RERE: variants seen among roughly 807,000 people sequenced by gnomAD.
The protein encoded by RERE is arginine-glutamic acid dipeptide repeats, also known as arginine-glutamic acid dipeptide repeats protein.
A neutral mutation model predicts 146.1 loss-of-function variants in RERE; 40 were observed. That is an observed-to-expected ratio of 0.27 (90% CI 0.21 to 0.36). RERE has a LOEUF of 0.36. RERE is among the 10% of genes least tolerant of loss of function. RERE has a pLI of 1.00. For missense variants in RERE, 1,933 were observed against 2,138.7 expected, an observed-to-expected ratio of 0.90 and a Z score of 1.90; for synonymous variants, 1,003 against 866.0, an observed-to-expected ratio of 1.16 and a Z score of -2.78.
chr1:8,728,463 CAA>C (rs529828973), intron 1 of RERE, among the ~76,000 whole-genome samples: 3 of 136,098 alleles, frequency 2.2e-5, no homozygotes, highest in South Asian at 2.3e-4. Flanking sequence ...AAGAGACCAT[CAA>C]AAAAAAAAAA....
At chr1:8,571,844 G>T (rs578245058) in intron 4 of RERE, among the ~76,000 whole-genome samples, 2 of 152,138 alleles carry the variant, frequency 1.3e-5, no homozygotes, top group African/African-American at 4.8e-5. Context: ...CCAAATAATC[G>T]ATCAGTGTAT....
At chr1:8,551,372 G>A (rs1645933883) in intron 6 of RERE, among the ~76,000 whole-genome samples, 1 of 152,196 alleles carries the variant, frequency 6.6e-6, no homozygotes, top group Non-Finnish European at 1.5e-5. Flanking sequence ...GGGAGAAAAA[G>A]TAGCACAGAA....
intron 3 of RERE, among the ~76,000 whole-genome samples, chr1:8,616,622 A>G (rs1646855240): frequency 6.6e-6 from 1 of 152,222 alleles, no homozygotes; most frequent in African/African-American, 2.4e-5. Flanking sequence ...AATTTTAGTA[A>G]ATAACATTTT....
At chr1:8,613,540 C>A (rs568031044) in intron 4 of RERE, among the ~76,000 whole-genome samples, 2 of 152,340 alleles carry the variant, frequency 1.3e-5, no homozygotes, top group Non-Finnish European at 1.5e-5. Context: ...CCAAGTGCCA[C>A]AGCCCATCTG....
At chr1:8,525,712 A>G in intron 7 of RERE, 2 of 1,554,168 alleles carry the variant, frequency 1.3e-6, no homozygotes, top group Non-Finnish European at 1.7e-6. Flanking sequence ...GAGAAAGAGC[A>G]GCAAAACCCA....
rs1366018673 is a variant in RERE, at chr1:8,354,935, G to A, written c.*152C>T. ...CCTCTCGACAAACGAACACTACTAT[G>A]TGGATACATTTTTAGTTGTGGGTTT... On this transcript the variant is annotated 3_prime_UTR_variant, in exon 23 of 23. Transcript: ENST00000400908. 1 of 665,474 alleles carries A rather than the reference G, an allele frequency of 1.5e-6. No homozygotes were observed. The highest frequency in any genetic ancestry group is 2.6e-6 in the Non-Finnish European group (1 of 388,738). The allele number at this position is 665,474 out of a possible 1,614,324, so 41.2% of individuals were successfully genotyped here.
chr1:8,592,351 T>A (rs775525201), intron 4 of RERE, among the ~76,000 whole-genome samples: 11 of 151,984 alleles, frequency 7.2e-5, no homozygotes, highest in Non-Finnish European at 1.3e-4. Flanking sequence ...CTCACTGCAG[T>A]CTCGACCTCC....
intron 12 of RERE, among the ~76,000 whole-genome samples, chr1:8,372,989 T>C (rs1642099090): frequency 6.6e-6 from 1 of 152,158 alleles, no homozygotes; most frequent in Non-Finnish European, 1.5e-5. Flanking sequence ...ATAACAGGAT[T>C]ATAAACACAA....
intron 1 of RERE, among the ~76,000 whole-genome samples, chr1:8,709,937 GTTT>G (rs1207829535): frequency 6.6e-6 from 1 of 152,108 alleles, no homozygotes; most frequent in Non-Finnish European, 1.5e-5. Flanking sequence ...TCTTATTCTG[GTTT>G]TTGTTGGTTT....
chr1:8,766,560 A>G (rs1164972043), intron 1 of RERE, among the ~76,000 whole-genome samples: 2 of 151,470 alleles, frequency 1.3e-5, no homozygotes, highest in African/African-American at 2.4e-5. Context: ...AAAAAAAAAA[A>G]AAAGAAAAGA....
intron 1 of RERE, chr1:8,786,600 G>A (rs1641263299): frequency 2.6e-6 from 2 of 767,728 alleles, no homozygotes; most frequent in Admixed American, 1.7e-5. Flanking sequence ...TTTGATAAAG[G>A]CGAAGAAGCT....
chr1:8,538,112 T>C (rs1263276119), intron 7 of RERE, among the ~76,000 whole-genome samples: 1 of 152,244 alleles, frequency 6.6e-6, no homozygotes, highest in Non-Finnish European at 1.5e-5. Flanking sequence ...AAGTCTGCAG[T>C]CATGGAATCA....
rs36115213 is a variant in RERE at position 8,496,150 on chromosome 1, T to TAAAAAA, written c.1005-994_1005-989dup. 6.8e-4 allele frequency among the ~76,000 whole-genome samples: 80 copies of TAAAAAA among 118,416 alleles called. 1 individual carries two copies. Among genetic ancestry groups the TAAAAAA allele is most frequent in the African/African-American group, 2.7e-3 (79 of 29,540 alleles). 77.7% of individuals were successfully genotyped at this position (118,416 alleles called of 152,430 possible). ...TGCACTCCAGTGTGAGACCCTGTCT[T>TAAAAAA]AAAAAAAAAAAAAAAAAAAGGTGAG... On this transcript the variant is annotated intron_variant, in intron 9 of 22. Coordinates refer to ENST00000400908, the MANE Select transcript of RERE (RefSeq NM_001042681.2).
intron 7 of RERE, chr1:8,525,875 T>A: frequency 6.8e-7 from 1 of 1,462,166 alleles, no homozygotes; most frequent in Non-Finnish European, 9.0e-7. Context: ...CAACTCAAAA[T>A]GGAGGCACAT....
At position 8,423,422 on chromosome 1, in the gene RERE, C is replaced by T. The variant is rs1032980319; in HGVS notation, c.1204-615G>A. On this transcript the variant is annotated intron_variant, in intron 11 of 22. Coordinates refer to ENST00000400908, the MANE Select transcript of RERE (RefSeq NM_001042681.2). The surrounding 1 kb of genome is among the most constrained non-coding windows in gnomAD (Gnocchi z 5.4). ...AATAACCAGCACCCCTTCCGCCCTC[C>T]CGACGCCACTCGCCGCCCCCATCCA... 1.4e-4 allele frequency: 69 copies of T among 510,584 alleles called. No individual in the cohort carries two copies. Among genetic ancestry groups the T allele is most frequent in the Non-Finnish European group, 1.7e-4 (68 of 395,758 alleles). 31.6% of individuals were successfully genotyped at this position (510,584 alleles called of 1,614,324 possible). A position where few individuals can be genotyped will look rare whatever the true frequency, so the allele number is the denominator to read the frequency against.
intron 1 of RERE, among the ~76,000 whole-genome samples, chr1:8,735,454 T>C (rs1043538112): frequency 6.2e-4 from 95 of 152,362 alleles, no homozygotes; most frequent in African/African-American, 2.2e-3. Context: ...CAAATAGTAG[T>C]ATACTTCATA....
intron 1 of RERE, among the ~76,000 whole-genome samples, chr1:8,787,148 C>T (rs1392833597): frequency 6.6e-6 from 1 of 152,196 alleles, no homozygotes; most frequent in Non-Finnish European, 1.5e-5. Context: ...TACTGTTCTC[C>T]CAGAGTTTTT....
At position 8,358,497 on chromosome 1, in the gene RERE, G is replaced by A. The variant is rs1641392979; in HGVS notation, c.4038C>T (p.His1346=). The A allele has an allele frequency of 6.3e-7, 1 of 1,588,708 alleles. No homozygotes were observed. The highest frequency in any genetic ancestry group is 1.1e-5 in the South Asian group (1 of 87,440). The change falls in exon 20 of 23, where the codon CAC becomes CAT. Residue 1346 remains histidine, a synonymous_variant. Transcript: ENST00000400908. Reference sequence around the variant, plus strand: ...TGGTGAGGGCGCTGTGCCGGGCAAAGTGCTCCATGGGGTTGGCGGCTGGGT... The same window carrying A: ...TGGTGAGGGCGCTGTGCCGGGCAAAATGCTCCATGGGGTTGGCGGCTGGGT... ...PLHPAANPME[H]FARHSALTIP... is the part of the protein sequence containing the mutation.
At chr1:8,498,005 G>A (rs1345469808) in intron 8 of RERE, among the ~76,000 whole-genome samples, 1 of 152,202 alleles carries the variant, frequency 6.6e-6, no homozygotes, top group African/African-American at 2.4e-5. Flanking sequence ...TCTTAAGACA[G>A]TCAATAGCAA....
Sources: allele counts gnomAD v4.1 joint callset (sites outside exome capture counted in the v4.1 genomes callset), GRCh38; gene constraint gnomAD v4.1.1; non-coding constraint Gnocchi (gnomAD v3.1); transcripts MANE v1.5; gene names NCBI Gene and HGNC (gene_info 2026-07-23, HGNC 2026-07-21).